The following CSMD1 variants were observed in gnomAD, a reference collection of about 807,000 sequenced individuals.
CSMD1 encodes CUB and Sushi multiple domains 1.
Under a neutral mutation model 417.5 loss-of-function variants are expected in CSMD1, and 213 were observed. The observed-to-expected ratio is 0.51, with a 90% CI of 0.46 to 0.57. The LOEUF (loss-of-function observed/expected upper bound fraction) is 0.57, where lower values mean the gene tolerates loss of function less well. CSMD1 is among the 20% of genes least tolerant of loss of function. CSMD1 has a pLI of 0.00. For synonymous variants in CSMD1, 2,862 were observed against 1,736.8 expected (o/e 1.65, Z -16.11); for missense variants, 6,923 against 4,529.7 (o/e 1.53, Z -15.17).
intron 2 of CSMD1, among the ~76,000 whole-genome samples, chr8:4,557,562 C>G (rs1451895067): frequency 1.3e-5 from 2 of 150,468 alleles, no homozygotes; most frequent in East Asian, 1.9e-4. Context: ...GGCAGAAAAA[C>G]AACAGTATTA....
At chr8:3,637,550 T>C (rs191177803) in intron 7 of CSMD1, among the ~76,000 whole-genome samples, 17 of 152,338 alleles carry the variant, frequency 1.1e-4, no homozygotes, top group Non-Finnish European at 2.2e-4. Context: ...AATAGTTTGC[T>C]TTTTTCCTAT....
At chr8:4,753,187 C>T (rs1216417386) in intron 1 of CSMD1, among the ~76,000 whole-genome samples, 1 of 151,988 alleles carries the variant, frequency 6.6e-6, no homozygotes, top group Non-Finnish European at 1.5e-5. Context: ...GCAATGGAGA[C>T]AGGAGTAAGG....
intron 1 of CSMD1, among the ~76,000 whole-genome samples, chr8:4,947,322 GTTC>G (rs1257963611): frequency 6.6e-6 from 1 of 152,112 alleles, no homozygotes; most frequent in African/African-American, 2.4e-5. Flanking sequence ...AAAAAGGTCA[GTTC>G]TTCTCCCAGT....
intron 1 of CSMD1, among the ~76,000 whole-genome samples, chr8:4,765,984 G>A (rs536599541): frequency 1.3e-5 from 2 of 152,148 alleles, no homozygotes; most frequent in East Asian, 3.9e-4. Flanking sequence ...ATTAAAAAAT[G>A]TATTACATAG....
intron 1 of CSMD1, among the ~76,000 whole-genome samples, chr8:4,944,905 T>C (rs1406104332): frequency 6.6e-6 from 1 of 152,106 alleles, no homozygotes; most frequent in Non-Finnish European, 1.5e-5. Context: ...CTTCTGAGGA[T>C]ATACTCAAAA....
rs549350520 is a variant in CSMD1, at chr8:4,846,527, G to T, written c.85+147805C>A. Among the ~76,000 whole-genome samples, 15 of 152,230 alleles carry T rather than the reference G, an allele frequency of 9.9e-5. No homozygotes were observed. The East Asian group carries it at 2.9e-3, about 29-fold the overall frequency. ...CTCCCACAACCGACATTGCTGTTTT[G>T]GTCCAGCCACAGGCTCCTGTAAGAT... is the stretch of plus-strand genomic sequence containing the variant. On this transcript the variant is annotated intron_variant, in intron 1 of 69. Transcript: ENST00000635120.
intron 12 of CSMD1, among the ~76,000 whole-genome samples, chr8:3,466,921 C>G (rs1169003452): frequency 1.3e-5 from 2 of 152,068 alleles, no homozygotes; most frequent in African/African-American, 2.4e-5. Context: ...TTAAAATCCT[C>G]AAATGTTGTA....
chr8:4,589,418 T>C (rs2130726407), intron 2 of CSMD1, among the ~76,000 whole-genome samples: 1 of 152,286 alleles, frequency 6.6e-6, no homozygotes, highest in East Asian at 1.9e-4. Context: ...AGGAATAGAC[T>C]ATTTCTTTTT....
intron 1 of CSMD1, among the ~76,000 whole-genome samples, chr8:4,927,909 C>G (rs2117176185): frequency 6.6e-6 from 1 of 152,288 alleles, no homozygotes; most frequent in South Asian, 2.1e-4. Flanking sequence ...TCCAGCAGCT[C>G]TAACAGATGA....
Position 4,608,348 on chromosome 8 carries a change from C to T in CSMD1, c.302+28994G>A, listed in dbSNP as rs189043779. On this transcript the variant is annotated intron_variant, in intron 2 of 69. Transcript: ENST00000635120. ...GCAACTACCCTGACCCAGGTAGCCACGGTGGTGGCTGACCGGAACATGGTG... is the reference window on the plus strand; with the variant it reads ...GCAACTACCCTGACCCAGGTAGCCATGGTGGTGGCTGACCGGAACATGGTG... Among the ~76,000 whole-genome samples the T allele has an allele frequency of 5.9e-5, 9 of 152,230 alleles. 1 individual carries two copies. Among genetic ancestry groups the T allele is most frequent in the South Asian group, 2.1e-4 (1 of 4,820 alleles).
intron 2 of CSMD1, among the ~76,000 whole-genome samples, chr8:4,432,181 C>G (rs186813819): frequency 1.3e-5 from 2 of 151,958 alleles, no homozygotes; most frequent in Non-Finnish European, 1.5e-5. Flanking sequence ...AATTATATTG[C>G]GAAGTTTGAA....
intron 2 of CSMD1, among the ~76,000 whole-genome samples, chr8:4,450,495 T>A (rs1040213252): frequency 2.6e-5 from 4 of 151,902 alleles, no homozygotes; most frequent in Admixed American, 2.0e-4. Context: ...ATTATCTGCG[T>A]GTGGTGGTGC....
intron 1 of CSMD1, among the ~76,000 whole-genome samples, chr8:4,889,408 C>G (rs1803960249): frequency 6.6e-6 from 1 of 152,072 alleles, no homozygotes; most frequent in Admixed American, 6.5e-5. Flanking sequence ...GTGAGTAAGC[C>G]TGAATCCTGG....
intron 1 of CSMD1, among the ~76,000 whole-genome samples, chr8:4,717,030 T>C (rs1033787160): frequency 8.5e-5 from 13 of 152,098 alleles, no homozygotes; most frequent in African/African-American, 3.1e-4. Flanking sequence ...TTTTCTCCTC[T>C]TTATTCCTGA....
intron 3 of CSMD1, among the ~76,000 whole-genome samples, chr8:4,207,791 T>A (rs558520212): frequency 6.6e-6 from 1 of 152,204 alleles, no homozygotes; most frequent in African/African-American, 2.4e-5. Flanking sequence ...GAACTGGCAA[T>A]AGCAAAAGTT....
At chr8:3,312,788 T>C (rs988739721) in intron 23 of CSMD1, among the ~76,000 whole-genome samples, 2 of 136,254 alleles carry the variant, frequency 1.5e-5, no homozygotes, top group East Asian at 3.9e-4. Context: ...TGTCAGCATC[T>C]CTCAGGTTCT....
Position 4,726,144 on chromosome 8 carries a change from T to G in CSMD1, c.86-88586A>C, listed in dbSNP as rs542661208. On this transcript the variant is annotated intron_variant, in intron 1 of 69. Transcript: ENST00000635120. ...ACAAGACGTCATCTGGGCGAGCCAT[T>G]TGCATCCAGATGAATACAAAACCTA... 5.3e-5 allele frequency among the ~76,000 whole-genome samples: 8 copies of G among 152,160 alleles called. No homozygotes were observed. In the Middle Eastern group the frequency reaches 0.017, roughly 323 times the overall value.
At chr8:4,354,762 G>C (rs1245006134) in intron 3 of CSMD1, among the ~76,000 whole-genome samples, 1 of 151,866 alleles carries the variant, frequency 6.6e-6, no homozygotes, top group African/African-American at 2.4e-5. Flanking sequence ...TCCTTTTATA[G>C]ATTTCCCCCC....
chr8:4,607,960 G>C (rs992916648), intron 2 of CSMD1, among the ~76,000 whole-genome samples: 1 of 152,132 alleles, frequency 6.6e-6, no homozygotes, highest in Non-Finnish European at 1.5e-5. Context: ...ACTTTCCCCA[G>C]CCCACCTGTA....
Sources: gnomAD v4.1 joint callset for allele counts (sites outside exome capture counted in the v4.1 genomes callset) on GRCh38, gnomAD v4.1.1 for gene constraint, MANE v1.5 for transcripts, NCBI Gene and HGNC (gene_info 2026-07-23, HGNC 2026-07-21) for gene names.